The following VWC2 variants were observed in gnomAD, a reference collection of about 807,000 sequenced individuals.
VWC2 encodes von Willebrand factor C domain containing 2.
Under a neutral mutation model 29.8 loss-of-function variants are expected in VWC2, and 14 were observed. That is an observed-to-expected ratio of 0.47 (90% CI 0.31 to 0.74). VWC2 has a LOEUF of 0.74. Among genes scored for constraint, VWC2 ranks in the 30% least tolerant of loss-of-function variants. VWC2 has a pLI of 0.05. For synonymous variants in VWC2, 213 were observed against 199.0 expected, an observed-to-expected ratio of 1.07 and a Z score of -0.59; for missense variants, 457 against 459.8, an observed-to-expected ratio of 0.99 and a Z score of 0.05.
intron 2 of VWC2, among the ~76,000 whole-genome samples, chr7:49,784,046 A>G (rs1788240580): frequency 6.6e-6 from 1 of 152,212 alleles, no homozygotes; most frequent in Admixed American, 6.5e-5. Context: ...GGATAGCCTG[A>G]CAACTCACCT....
chr7:49,900,131 G>A (rs1792634862), intron 3 of VWC2, among the ~76,000 whole-genome samples: 1 of 151,604 alleles, frequency 6.6e-6, no homozygotes, highest in Non-Finnish European at 1.5e-5. Context: ...TAAAAATTTA[G>A]TTTATTTTAA....
At chr7:49,877,479 AAAATAT>A (rs55874811) in intron 3 of VWC2, among the ~76,000 whole-genome samples, 245 of 12,596 alleles carry the variant, frequency 0.019, no homozygotes, top group South Asian at 0.039. Context: ...AAAAAAAAAA[AAAATAT>A]ATATATATAT....
chr7:49,878,505 T>G (rs919432967), intron 3 of VWC2, among the ~76,000 whole-genome samples: 1 of 152,214 alleles, frequency 6.6e-6, no homozygotes, highest in Admixed American at 6.5e-5. Flanking sequence ...TTGACTATTT[T>G]CTTTCAAAAC....
intron 3 of VWC2, among the ~76,000 whole-genome samples, chr7:49,844,270 T>C (rs928379471): frequency 6.6e-6 from 1 of 152,200 alleles, no homozygotes; most frequent in Non-Finnish European, 1.5e-5. Context: ...AGGGCGTCGA[T>C]TCTATCCTCT....
chr7:49,861,793 T>C (rs1171282787), intron 3 of VWC2, among the ~76,000 whole-genome samples: 1 of 152,222 alleles, frequency 6.6e-6, no homozygotes, highest in African/African-American at 2.4e-5. Context: ...TTGTCAAAAA[T>C]CAGTTGGATG....
At chr7:49,820,471 T>C (rs1037675475) in intron 3 of VWC2, among the ~76,000 whole-genome samples, 1 of 152,214 alleles carries the variant, frequency 6.6e-6, no homozygotes, top group African/African-American at 2.4e-5. Context: ...TTCATTTCTG[T>C]CCAATATTCT....
In VWC2 at chr7:49,782,259, G is replaced by A. The variant is rs369835628; in HGVS notation, c.696+6128G>A. Among the ~76,000 whole-genome samples the A allele has an allele frequency of 7.9e-5, 12 of 152,262 alleles. No homozygotes were observed. The East Asian group carries it at 1.7e-3, about 22-fold the overall frequency. On this transcript the variant is annotated intron_variant, in intron 2 of 3. Coordinates refer to ENST00000340652, the MANE Select transcript of VWC2 (RefSeq NM_198570.5). ...AGATGTGTGATTCACCCATGCTCCT[G>A]TAAATAAATACATGACTTTGAAAAG...
At chr7:49,851,129 A>G (rs1790162792) in intron 3 of VWC2, among the ~76,000 whole-genome samples, 1 of 151,858 alleles carries the variant, frequency 6.6e-6, no homozygotes, top group South Asian at 2.1e-4. Context: ...GCTGCCCGCC[A>G]CCCTGGGCTT....
intron 3 of VWC2, among the ~76,000 whole-genome samples, chr7:49,844,667 A>G (rs1408929028): frequency 6.6e-6 from 1 of 152,138 alleles, no homozygotes; most frequent in African/African-American, 2.4e-5. Context: ...CAGCCACATT[A>G]CCTTGGGCAA....
chr7:49,918,927 G>A lies in VWC2; in HGVS notation c.*6742G>A, dbSNP rs1269654456. The A allele has an allele frequency of 6.6e-6, 1 of 152,076 alleles. No individual in the cohort carries two copies. Among genetic ancestry groups the A allele is most frequent in the African/African-American group, 2.4e-5 (1 of 41,384 alleles). The allele number at this position is 152,076 out of a possible 1,614,324, so 9.4% of individuals were successfully genotyped here. A position where few individuals can be genotyped will look rare whatever the true frequency, so the allele number is the denominator to read the frequency against. ...TACAAAAAAATTACCTGGGCATGGT[G>A]GCACATGCCTGTAATCTACTCGGGA... On this transcript the variant is annotated 3_prime_UTR_variant, in exon 4 of 4. Transcript: ENST00000340652.
chr7:49,867,212 T>C (rs1790932083), intron 3 of VWC2, among the ~76,000 whole-genome samples: 1 of 152,208 alleles, frequency 6.6e-6, no homozygotes, highest in Non-Finnish European at 1.5e-5. Context: ...ATCGAAACTT[T>C]GTCCATATCC....
chr7:49,800,665 T>G (rs1788716649), intron 2 of VWC2, among the ~76,000 whole-genome samples: 1 of 152,112 alleles, frequency 6.6e-6, no homozygotes, highest in Non-Finnish European at 1.5e-5. Context: ...CAATAAACCA[T>G]GTCTCTTGCA....
At chr7:49,847,500 A>C (rs1224967823) in intron 3 of VWC2, among the ~76,000 whole-genome samples, 1 of 152,086 alleles carries the variant, frequency 6.6e-6, no homozygotes, top group Non-Finnish European at 1.5e-5. Context: ...GGGTTTGAAA[A>C]TGTGGGTTTT....
At chr7:49,818,984 A>T (rs1208528207) in intron 3 of VWC2, among the ~76,000 whole-genome samples, 1 of 152,132 alleles carries the variant, frequency 6.6e-6, no homozygotes. Flanking sequence ...ATGTTTACGA[A>T]AAGTGTCACA....
At chr7:49,810,563 T>C (rs182670723) in intron 3 of VWC2, among the ~76,000 whole-genome samples, 1 of 152,246 alleles carries the variant, frequency 6.6e-6, no homozygotes, top group Admixed American at 6.5e-5. Flanking sequence ...ATGTAAAGGA[T>C]AGCCAAAAGA....
intron 3 of VWC2, among the ~76,000 whole-genome samples, chr7:49,875,891 C>T (rs1221398576): frequency 1.3e-5 from 2 of 152,154 alleles, no homozygotes; most frequent in African/African-American, 4.8e-5. Context: ...CACTTTGTCC[C>T]TGGCATCGAC....
chr7:49,892,323 A>G (rs923355353), intron 3 of VWC2, among the ~76,000 whole-genome samples: 9 of 152,022 alleles, frequency 5.9e-5, no homozygotes, highest in East Asian at 3.9e-4. Flanking sequence ...TGGGATTACA[A>G]GCGTGAGCCA....
At chr7:49,841,096 C>T (rs1413138474) in intron 3 of VWC2, among the ~76,000 whole-genome samples, 1 of 152,150 alleles carries the variant, frequency 6.6e-6, no homozygotes, top group Non-Finnish European at 1.5e-5. Context: ...TTTTTTCTGT[C>T]TGAATTATGA....
In VWC2 at chr7:49,823,212, T is replaced by C. The variant is rs985557185; in HGVS notation, c.826+20372T>C. Reference sequence around the variant, plus strand: ...ATGGTAGGATATCACACAAGGACGCTTGGACAGATGAAAGACAGAACTCTT... The same window carrying C: ...ATGGTAGGATATCACACAAGGACGCCTGGACAGATGAAAGACAGAACTCTT... On this transcript the variant is annotated intron_variant, in intron 3 of 3. Transcript: ENST00000340652. Among the ~76,000 whole-genome samples the C allele has an allele frequency of 3.9e-5, 6 of 152,268 alleles. No individual in the cohort carries two copies. The South Asian group carries it at 6.2e-4, about 16-fold the overall frequency.
Sources: gnomAD v4.1 joint callset for allele counts (sites outside exome capture counted in the v4.1 genomes callset) on GRCh38, gnomAD v4.1.1 for gene constraint, MANE v1.5 for transcripts, NCBI Gene and HGNC (gene_info 2026-07-23, HGNC 2026-07-21) for gene names.